The following PHAF1 variants were observed in gnomAD, a reference collection of about 807,000 sequenced individuals.
PHAF1 encodes phagosome assembly factor 1.
In PHAF1, 23 loss-of-function variants were observed where a neutral mutation model predicts 63.1. The observed-to-expected ratio is 0.36, with a 90% CI of 0.26 to 0.52. The LOEUF (loss-of-function observed/expected upper bound fraction) is 0.52, where lower values mean the gene tolerates loss of function less well. PHAF1 is among the 20% of genes least tolerant of loss of function. PHAF1 has a pLI of 0.93. For missense variants in PHAF1, 427 were observed against 517.2 expected (o/e 0.83, Z 1.69); for synonymous variants, 167 against 185.0 (o/e 0.90, Z 0.79).
chr16:67,142,289 G>A (rs1963842096), intron 10 of PHAF1, among the ~76,000 whole-genome samples: 1 of 152,348 alleles, frequency 6.6e-6, no homozygotes, highest in East Asian at 1.9e-4. Flanking sequence ...GGCTCAGAAG[G>A]GAGGAAGTGC....
At position 67,140,566 on chromosome 16, in the gene PHAF1, A is replaced by G. The variant is rs1334612179; in HGVS notation, c.851A>G (p.Tyr284Cys). 1 of 1,598,780 alleles carries G rather than the reference A, an allele frequency of 6.3e-7. No homozygotes were observed. Among genetic ancestry groups the G allele is most frequent in the African/African-American group, 1.3e-5 (1 of 74,716 alleles). ...CAAGTTCCATCGAAGTGTAATGACT[A>G]CTTTTTTAACTACTTCACTCTTGGA... is the stretch of plus-strand genomic sequence containing the variant. ...HKQVPSKCND[Y>C]FFNYFTLGVD... is the part of the protein sequence containing the mutation. Residue 284 changes from tyrosine to cysteine, a missense_variant, in exon 10 of 16, where the codon TAC becomes TGC. Transcript: ENST00000219139.
rs191162526 is a variant in PHAF1 at position 67,146,163 on chromosome 16, C to G, written c.1110-115C>G. 6,868 of 948,962 alleles carry G rather than the reference C, an allele frequency of 7.2e-3. 49 individuals are homozygous for G. Among genetic ancestry groups the G allele is most frequent in the Non-Finnish European group, 7.5e-3 (4,352 of 582,434 alleles). The allele number at this position is 948,962 out of a possible 1,614,324, so 58.8% of individuals were successfully genotyped here. A position where few individuals can be genotyped will look rare whatever the true frequency, so the allele number is the denominator to read the frequency against. ...GGCCTGTGTGGGAAACAGACAGACA[C>G]TCACAGCCATGAGAGACTACTGGCC... On this transcript the variant is annotated intron_variant, in intron 14 of 15. Coordinates refer to ENST00000219139, the MANE Select transcript of PHAF1 (RefSeq NM_025187.5).
intron 14 of PHAF1, 130 bp downstream of exon 14, chr16:67,145,758 C>A: frequency 1.1e-6 from 1 of 934,984 alleles, no homozygotes; most frequent in Non-Finnish European, 1.6e-6. Context: ...AAGCATACTT[C>A]CTGCCCCACT....
chr16:67,136,309 A>C (rs996160019), intron 8 of PHAF1: 4 of 143,012 alleles, frequency 2.8e-5, no homozygotes, highest in Admixed American at 1.4e-4. Context: ...CTTCTCACAG[A>C]AAAAAAAAAA....
At chr16:67,124,091 T>G (rs1963090528) in intron 2 of PHAF1, among the ~76,000 whole-genome samples, 1 of 151,924 alleles carries the variant, frequency 6.6e-6, no homozygotes, top group Non-Finnish European at 1.5e-5. Context: ...ATATCCTGAA[T>G]TATAACAATG....
chr16:67,139,797 A>G, intron 8 of PHAF1, 187 bp from the exon 9 acceptor site: 3 of 616,970 alleles, frequency 4.9e-6, no homozygotes, highest in Non-Finnish European at 8.5e-6. Flanking sequence ...AGTCCCTGGC[A>G]TTATTTTGAA....
chr16:67,140,191 C>A, intron 9 of PHAF1, 74 bp downstream of exon 9: 2 of 1,510,024 alleles, frequency 1.3e-6, no homozygotes, highest in African/African-American at 1.4e-5. Context: ...AAACTGTTTG[C>A]TATTTTCCCA....
At chr16:67,133,751 G>A (rs1389428286) in intron 6 of PHAF1, among the ~76,000 whole-genome samples, 2 of 150,440 alleles carry the variant, frequency 1.3e-5, no homozygotes, top group Non-Finnish European at 3.0e-5. Context: ...CTGCACTCTA[G>A]CCTGGGCGAC....
At chr16:67,112,490 C>G (rs1309900135) in intron 1 of PHAF1, among the ~76,000 whole-genome samples, 1 of 150,240 alleles carries the variant, frequency 6.7e-6, no homozygotes, top group African/African-American at 2.5e-5. Flanking sequence ...GGGTCATGAT[C>G]ACACCACTGG....
intron 8 of PHAF1, chr16:67,136,049 A>T (rs1963592794): frequency 6.6e-6 from 1 of 152,246 alleles, no homozygotes; most frequent in Admixed American, 6.5e-5. Context: ...CATGCCTGTA[A>T]TCCCAGCACT....
intron 10 of PHAF1, among the ~76,000 whole-genome samples, 165 bp from the exon 11 acceptor site, chr16:67,144,129 G>T (rs1215545826): frequency 6.6e-6 from 1 of 152,060 alleles, no homozygotes; most frequent in Non-Finnish European, 1.5e-5. Context: ...ATGTCTAAAA[G>T]CTGCTTGGCC....
At chr16:67,120,632 T>A (rs2145833130) in intron 2 of PHAF1, among the ~76,000 whole-genome samples, 1 of 151,244 alleles carries the variant, frequency 6.6e-6, no homozygotes, top group Middle Eastern at 3.4e-3. Flanking sequence ...GAAACAGATA[T>A]AATTCACCCC....
chr16:67,111,846 A>G (rs566923174), intron 1 of PHAF1, among the ~76,000 whole-genome samples: 1 of 152,212 alleles, frequency 6.6e-6, no homozygotes, highest in South Asian at 2.1e-4. Flanking sequence ...CTGGTCTCGA[A>G]CTCCTGACTT....
intron 1 of PHAF1, among the ~76,000 whole-genome samples, chr16:67,112,345 AC>A (rs1168261324): frequency 6.9e-6 from 1 of 145,554 alleles, no homozygotes; most frequent in African/African-American, 2.6e-5. Context: ...GGAGTTCAAG[AC>A]CAGCCTAGGC....
rs756869101 is a variant in PHAF1 at position 67,120,175 on chromosome 16, A to G, written c.128A>G (p.Gln43Arg). 1 of 1,614,062 alleles carries G rather than the reference A, an allele frequency of 6.2e-7. No homozygotes were observed. Among genetic ancestry groups the G allele is most frequent in the Non-Finnish European group, 8.5e-7 (1 of 1,179,936 alleles). The change falls in exon 2 of 16, where the codon CAG (glutamine) becomes CGG (arginine). Residue 43 changes from glutamine (Q) to arginine (R), a missense_variant. Gln to Arg is a conservative substitution (Grantham distance 43). Coordinates refer to ENST00000219139, the MANE Select transcript of PHAF1 (RefSeq NM_025187.5). The part of the protein sequence containing the change: ...QKHCRIIKNV[Q>R]VLYSEQSPLS... ...CACTGTCGCATCATCAAAAACGTCC[A>G]GGTTCTCTACAGTGAACAGGTGAGT...
chr16:67,146,765 G>A (rs2145896910), intron 15 of PHAF1, among the ~76,000 whole-genome samples: 1 of 152,330 alleles, frequency 6.6e-6, no homozygotes, highest in South Asian at 2.1e-4. Flanking sequence ...AGAACAGCAA[G>A]CTGCCCTTGT....
chr16:67,131,369 T>G lies in PHAF1; in HGVS notation c.275+40T>G, dbSNP rs777950211. The G allele has an allele frequency of 7.2e-6, 10 of 1,395,338 alleles. No homozygotes were observed. The South Asian group carries it at 1.2e-4, about 17-fold the overall frequency. 86.4% of individuals were successfully genotyped at this position (1,395,338 alleles called of 1,614,324 possible). A position where few individuals can be genotyped will look rare whatever the true frequency, so the allele number is the denominator to read the frequency against. ...CTGCTGGTATATGTCACACTTGGTA[T>G]AGACAGGCCATATCTACTATCTTCA... is the stretch of plus-strand genomic sequence containing the variant. On this transcript the variant is annotated intron_variant, in intron 4 of 15. Coordinates refer to ENST00000219139, the MANE Select transcript of PHAF1 (RefSeq NM_025187.5).
At position 67,110,250 on chromosome 16, in the gene PHAF1, G is replaced by A. The variant is rs1213094925; in HGVS notation, c.64+11G>A. The A allele has an allele frequency of 1.9e-6, 3 of 1,551,758 alleles. No homozygotes were observed. Among genetic ancestry groups the A allele is most frequent in the African/African-American group, 1.4e-5 (1 of 73,162 alleles). The stretch of plus-strand genomic sequence containing the variant: ...GGGAATTCACGCTGGGTGAGTTTGG[G>A]GTCCTCTGTCAGGACCCCATTCGCT... On this transcript the variant is annotated intron_variant, in intron 1 of 15. Coordinates refer to ENST00000219139, the MANE Select transcript of PHAF1 (RefSeq NM_025187.5).
intron 10 of PHAF1, among the ~76,000 whole-genome samples, chr16:67,143,361 AC>A (rs1305324343): frequency 6.6e-6 from 1 of 151,804 alleles, no homozygotes; most frequent in Non-Finnish European, 1.5e-5. Context: ...ATATGGTGAA[AC>A]CCCCATCTCC....
Sources: allele counts gnomAD v4.1 joint callset (sites outside exome capture counted in the v4.1 genomes callset), GRCh38; gene constraint gnomAD v4.1.1; transcripts MANE v1.5; gene names NCBI Gene and HGNC (gene_info 2026-07-23, HGNC 2026-07-21).